The following GRAMD1A variants were observed in gnomAD, a reference collection of about 807,000 sequenced individuals.
The protein encoded by GRAMD1A is GRAM domain containing 1A.
In GRAMD1A, 50 loss-of-function variants were observed where a neutral mutation model predicts 92.0. The observed-to-expected ratio is 0.54, with a 90% CI of 0.43 to 0.69. The LOEUF (loss-of-function observed/expected upper bound fraction) is 0.69, where lower values mean the gene tolerates loss of function less well. Among genes scored for constraint, GRAMD1A ranks in the 30% least tolerant of loss-of-function variants. The probability of loss-of-function intolerance (pLI) is 0.00; values close to 1 mark genes in which losing one functional copy is unlikely to be tolerated. For synonymous variants in GRAMD1A, 405 were observed against 403.6 expected (o/e 1.00, Z -0.04); for missense variants, 819 against 978.9 (o/e 0.84, Z 2.18).
chr19:35,022,239 G>A (rs551431313), intron 16 of GRAMD1A, among the ~76,000 whole-genome samples: 1 of 152,112 alleles, frequency 6.6e-6, no homozygotes, highest in East Asian at 1.9e-4. Flanking sequence ...AGCAGAGCCG[G>A]GGGGGGCTAT....
intron 1 of GRAMD1A, among the ~76,000 whole-genome samples, chr19:35,005,401 T>C (rs1314921550): frequency 6.6e-6 from 1 of 151,604 alleles, no homozygotes; most frequent in Non-Finnish European, 1.5e-5. Context: ...TGGATGTGGA[T>C]GTGGATGTCT....
chr19:35,000,456 G>T lies in GRAMD1A; in HGVS notation c.-23G>T, dbSNP rs1221731278. On this transcript the variant is annotated 5_prime_UTR_variant, in exon 1 of 20. Coordinates refer to ENST00000317991, the MANE Select transcript of GRAMD1A (RefSeq NM_020895.5). This position sits in a 1 kb window ranked among gnomAD's most constrained non-coding sequence, Gnocchi z 4.9. The stretch of plus-strand genomic sequence containing the variant: ...CTGCCCTGCCCTGCCCTGCGCCCGG[G>T]GCGCGCCCACCGCGCCGCATCCATG... The T allele has an allele frequency of 1.8e-6, 2 of 1,100,426 alleles. No homozygotes were observed. The highest frequency in any genetic ancestry group is 3.1e-5 in the South Asian group (1 of 32,028). 68.2% of individuals were successfully genotyped at this position (1,100,426 alleles called of 1,614,324 possible).
In GRAMD1A at chr19:35,023,454, G is replaced by C. The variant is rs949047209; in HGVS notation, c.1989G>C (p.Trp663Cys). Residue 663 changes from tryptophan (W) to cysteine (C), a missense_variant, in exon 19 of 20, where the codon TGG (tryptophan) becomes TGC (cysteine). This residue lies in a region of GRAMD1A where 577 missense variants were observed against 674.6 expected (regional missense o/e 0.86). Coordinates refer to ENST00000317991, the MANE Select transcript of GRAMD1A (RefSeq NM_020895.5). ...AGTTCCCCCAGACGGCCACAGAGTG[G>C]GCCGAGATCCTGGCGCTGCAGAAGC... Reference protein sequence around the residue: ...KGKFPQTATEWAEILALQKQF... With the variant: ...KGKFPQTATECAEILALQKQF... 2.3e-5 allele frequency: 37 copies of C among 1,589,074 alleles called. No individual in the cohort carries two copies. Among genetic ancestry groups the C allele is most frequent in the Non-Finnish European group, 3.1e-5 (36 of 1,167,426 alleles).
chr19:34,995,999 A>T, upstream of GRAMD1A: 1 of 1,515,080 alleles, frequency 6.6e-7, no homozygotes. Flanking sequence ...CCCAGAGACC[A>T]CACCGCTGTT....
At chr19:35,004,206 G>T (rs1434248894) in intron 1 of GRAMD1A, among the ~76,000 whole-genome samples, 1 of 152,140 alleles carries the variant, frequency 6.6e-6, no homozygotes, top group Non-Finnish European at 1.5e-5. Flanking sequence ...AATTCCTTGA[G>T]CCCAGGAGTT....
chr19:35,024,149 G>A (rs1302819888), intron 19 of GRAMD1A, among the ~76,000 whole-genome samples: 3 of 152,328 alleles, frequency 2.0e-5, no homozygotes, highest in South Asian at 4.1e-4. Flanking sequence ...TTCCAATTCC[G>A]GTGTGTGACC....
At chr19:35,007,448 C>T (rs2014903983) in intron 1 of GRAMD1A, among the ~76,000 whole-genome samples, 1 of 152,170 alleles carries the variant, frequency 6.6e-6, no homozygotes, top group South Asian at 2.1e-4. Context: ...ATCCCAGCTA[C>T]TGGGGAGGCT....
Position 35,009,129 on chromosome 19 carries a change from C to G in GRAMD1A, c.19C>G (p.His7Asp), listed in dbSNP as rs754498083. The G allele has an allele frequency of 2.5e-6, 4 of 1,612,406 alleles. No individual in the cohort carries two copies. Among genetic ancestry groups the G allele is most frequent in the South Asian group, 1.1e-5 (1 of 91,042 alleles). The change falls in exon 2 of 20, where the codon CAC (histidine) becomes GAC (aspartate). Residue 7 changes from histidine to aspartate, a missense_variant. Physicochemically the swap from His to Asp is moderately conservative, Grantham distance 81 (BLOSUM62 -1). Around this residue, in one of 3 missense-constraint regions of GRAMD1A, gnomAD observed 98 missense variants for 84.0 expected, o/e 1.17. Coordinates refer to ENST00000317991, the MANE Select transcript of GRAMD1A (RefSeq NM_020895.5). ...TCTTCCTGCCCCCAGCACCACACCC[C>G]ACTCTGGCCGGAGCACGCCAAGCAG... MFDTTP[H>D]SGRSTPSSSP... is the part of the protein sequence containing the mutation.
chr19:35,008,707 C>T (rs1169715259), intron 1 of GRAMD1A, among the ~76,000 whole-genome samples: 1 of 152,040 alleles, frequency 6.6e-6, no homozygotes, highest in African/African-American at 2.4e-5. Context: ...GTCCCAGCTA[C>T]TTGGGAGGCT....
chr19:35,018,326 G>A (rs551842685), intron 11 of GRAMD1A, among the ~76,000 whole-genome samples: 1 of 152,258 alleles, frequency 6.6e-6, no homozygotes, highest in Admixed American at 6.5e-5. Flanking sequence ...CATGCTGAAA[G>A]GCAAAGGGGG....
chr19:35,013,433 T>C lies in GRAMD1A; in HGVS notation c.719+65T>C. 6.6e-7 allele frequency: 1 copy of C among 1,518,622 alleles called. No homozygotes were observed. The allele number at this position is 1,518,622 out of a possible 1,614,324, so 94.1% of individuals were successfully genotyped here. On this transcript the variant is annotated intron_variant, in intron 8 of 19. Transcript: ENST00000317991. The surrounding 1 kb of genome is among the most constrained non-coding windows in gnomAD (Gnocchi z 4.9). ...GAACAGGACGGTCGGCGTGCAGAGT[T>C]CCTGGAGTGCTGGGGGGCCTGAGAT... is the stretch of plus-strand genomic sequence containing the variant.
At chr19:34,995,075 A>C (rs1360014205) in intron 1 of GRAMD1A, among the ~76,000 whole-genome samples, 1 of 152,226 alleles carries the variant, frequency 6.6e-6, no homozygotes, top group East Asian at 1.9e-4. Flanking sequence ...TCCCAGGCCC[A>C]GAAGGCCCCA....
In GRAMD1A at chr19:35,014,468, C is replaced by T. The variant is rs2015482846; in HGVS notation, c.1069+81C>T. 2.4e-6 allele frequency: 3 copies of T among 1,233,226 alleles called. No homozygotes were observed. In the East Asian group the frequency reaches 7.2e-5, roughly 29 times the overall value. The allele number at this position is 1,233,226 out of a possible 1,614,324, so 76.4% of individuals were successfully genotyped here. On this transcript the variant is annotated intron_variant, in intron 10 of 19. Transcript: ENST00000317991. ...CTTAAGCAAGAGGGGATGGATTCGCCCGCAGCACTGAGAATCCAGGGGCAG... is the reference window on the plus strand; with the variant it reads ...CTTAAGCAAGAGGGGATGGATTCGCTCGCAGCACTGAGAATCCAGGGGCAG...
chr19:35,018,133 G>T (rs1040996363), intron 11 of GRAMD1A, among the ~76,000 whole-genome samples: 2 of 152,010 alleles, frequency 1.3e-5, no homozygotes, highest in Non-Finnish European at 2.9e-5. Context: ...GATTATAGGC[G>T]CCCACCGTCA....
rs772490598 is a variant in GRAMD1A at position 35,026,085 on chromosome 19, A to T, written c.2119A>T (p.Thr707Ser). Residue 707 changes from threonine to serine, a missense_variant, in exon 20 of 20, where the codon ACA (threonine) becomes TCA (serine). By Grantham distance (58) the Thr-to-Ser change is moderately conservative (BLOSUM62 1). This residue lies in a region of GRAMD1A where 577 missense variants were observed against 674.6 expected (regional missense o/e 0.86). Coordinates refer to ENST00000317991, the MANE Select transcript of GRAMD1A (RefSeq NM_020895.5). ...FSLEKLHQGI[T>S]VSDPPFDTQP... ...GCTGGAGAAGCTGCACCAAGGCATC[A>T]CAGTCTCAGACCCTCCCTTTGACAC... is the stretch of plus-strand genomic sequence containing the variant. 6 of 1,607,258 alleles carry T rather than the reference A, an allele frequency of 3.7e-6. No individual in the cohort carries two copies. Among genetic ancestry groups the T allele is most frequent in the Middle Eastern group, 1.7e-4 (1 of 6,046 alleles).
chr19:35,010,231 G>A, intron 5 of GRAMD1A, 36 bp downstream of exon 5: 1 of 1,585,016 alleles, frequency 6.3e-7, no homozygotes, highest in Non-Finnish European at 8.7e-7. Context: ...AGGGGCGGGG[G>A]CCCCCATGGC....
At chr19:34,997,390 A>AAAAAC (rs1300434313), upstream of GRAMD1A, among the ~76,000 whole-genome samples, 5 of 148,284 alleles carry the variant, frequency 3.4e-5, no homozygotes, top group African/African-American at 2.5e-5. Context: ...CAAAAAAACA[A>AAAAAC]AAAAAAAAAA....
In GRAMD1A at chr19:35,019,497, G is replaced by A. The variant is rs774151524; in HGVS notation, c.1439G>A (p.Cys480Tyr). Residue 480 changes from cysteine (C) to tyrosine (Y), a missense_variant, in exon 13 of 20, where the codon TGC becomes TAC. Around this residue, in one of 3 missense-constraint regions of GRAMD1A, gnomAD observed 577 missense variants for 674.6 expected, o/e 0.86. Transcript: ENST00000317991. ...QDYFYTAHRY[C>Y]ILGLARNKAR... is the part of the protein sequence containing the mutation. ...TACTTCTACACTGCCCACCGCTACT[G>A]CATCCTGGGTCTGGCCCGGAACAAG... 2.5e-6 allele frequency: 4 copies of A among 1,613,918 alleles called. No individual in the cohort carries two copies. The highest frequency in any genetic ancestry group is 2.2e-5 in the South Asian group (2 of 91,092).
chr19:35,013,115 G>C lies in GRAMD1A; in HGVS notation c.607-141G>C, dbSNP rs544248754. 1.7e-6 allele frequency: 1 copy of C among 601,142 alleles called. No homozygotes were observed. The highest frequency in any genetic ancestry group is 2.8e-5 in the Admixed American group (1 of 36,180). 37.2% of individuals were successfully genotyped at this position (601,142 alleles called of 1,614,324 possible). ...AGCAGGGGATTCCCCGCTTGCTGAGGCCAGGTCTGGTGCGGGAGATCGTGG... is the reference window on the plus strand; with the variant it reads ...AGCAGGGGATTCCCCGCTTGCTGAGCCCAGGTCTGGTGCGGGAGATCGTGG... On this transcript the variant is annotated intron_variant, in intron 7 of 19. Coordinates refer to ENST00000317991, the MANE Select transcript of GRAMD1A (RefSeq NM_020895.5). The surrounding 1 kb of genome is among the most constrained non-coding windows in gnomAD (Gnocchi z 4.9).
Sources: allele counts gnomAD v4.1 joint callset (sites outside exome capture counted in the v4.1 genomes callset), GRCh38; gene constraint gnomAD v4.1.1; regional missense constraint gnomAD v4.1.1; non-coding constraint Gnocchi (gnomAD v3.1); transcripts MANE v1.5; gene names NCBI Gene and HGNC (gene_info 2026-07-23, HGNC 2026-07-21).